SIPA1L1: variants seen among roughly 807,000 people sequenced by gnomAD.
SIPA1L1 encodes signal-induced proliferation-associated 1-like protein 1.
A neutral mutation model predicts 162.7 loss-of-function variants in SIPA1L1; 26 were observed. That is an observed-to-expected ratio of 0.16 (90% CI 0.12 to 0.22). The LOEUF is 0.22. SIPA1L1 is among the 10% of genes least tolerant of loss of function. The pLI is 1.00. For missense variants in SIPA1L1, 1,874 were observed against 2,241.0 expected (o/e 0.84, Z 3.31); for synonymous variants, 829 against 837.4 (o/e 0.99, Z 0.17).
At chr14:71,339,809 A>G (rs1352389519) in intron 2 of SIPA1L1, among the ~76,000 whole-genome samples, 1 of 152,154 alleles carries the variant, frequency 6.6e-6, no homozygotes, top group African/African-American at 2.4e-5. Context: ...CCACTGTGTC[A>G]GGCACTTTGT....
At chr14:71,400,404 A>AT (rs1206698316) in intron 2 of SIPA1L1, among the ~76,000 whole-genome samples, 1 of 152,076 alleles carries the variant, frequency 6.6e-6, no homozygotes, top group Non-Finnish European at 1.5e-5. Context: ...TACATAAAGC[A>AT]TTTTTTATTT....
At chr14:71,391,795 G>A (rs534931113) in intron 2 of SIPA1L1, among the ~76,000 whole-genome samples, 8 of 152,294 alleles carry the variant, frequency 5.3e-5, no homozygotes, top group African/African-American at 1.9e-4. Flanking sequence ...AGGAATTCAA[G>A]TAATGCCAGG....
chr14:71,608,487 G>T (rs1157810571), intron 5 of SIPA1L1, among the ~76,000 whole-genome samples: 1 of 151,978 alleles, frequency 6.6e-6, no homozygotes. Flanking sequence ...CTAAGCTAAT[G>T]TTTGAATTGG....
intron 3 of SIPA1L1, among the ~76,000 whole-genome samples, chr14:71,521,793 C>T (rs1225124275): frequency 6.6e-6 from 1 of 152,162 alleles, no homozygotes; most frequent in African/African-American, 2.4e-5. Context: ...GTAAGAGAGT[C>T]CCATTTGCTC....
intron 5 of SIPA1L1, among the ~76,000 whole-genome samples, chr14:71,611,779 A>T (rs1213156335): frequency 6.6e-6 from 1 of 152,214 alleles, no homozygotes. Context: ...TATATGTGCC[A>T]CATTTTCTTT....
intron 2 of SIPA1L1, among the ~76,000 whole-genome samples, chr14:71,364,214 T>C (rs997281727): frequency 8.5e-5 from 13 of 152,230 alleles, no homozygotes; most frequent in African/African-American, 3.1e-4. Context: ...TTAACGGGAG[T>C]GAAAAAGGCA....
chr14:71,399,988 A>AT (rs1009345203), intron 2 of SIPA1L1, among the ~76,000 whole-genome samples: 4 of 151,318 alleles, frequency 2.6e-5, no homozygotes, highest in African/African-American at 7.3e-5. Context: ...CACAAAATGT[A>AT]TTTTTTGTAT....
chr14:71,717,091 G>C (rs953524873), intron 17 of SIPA1L1, among the ~76,000 whole-genome samples: 2 of 152,116 alleles, frequency 1.3e-5, no homozygotes, highest in Admixed American at 1.3e-4. Flanking sequence ...GTAGAGACGG[G>C]GTTTTACCTT....
rs1366381358 is a variant in SIPA1L1 at position 71,587,982 on chromosome 14, G to A, written c.110G>A (p.Arg37Gln). The change falls in exon 5 of 24, where the codon CGG (arginine) becomes CAG (glutamine). Residue 37 changes from arginine (R) to glutamine (Q), a missense_variant. By Grantham distance (43) the Arg-to-Gln change is conservative. Coordinates refer to ENST00000381232, the MANE Select transcript of SIPA1L1 (RefSeq NM_001386936.1). ...PKVHTDDFYM[R>Q]RFRSQNGSLG... Reference sequence around the variant, plus strand: ...GTCCACACTGATGATTTCTACATGCGGCGCTTCCGGTCCCAAAATGGCAGC... The same window carrying A: ...GTCCACACTGATGATTTCTACATGCAGCGCTTCCGGTCCCAAAATGGCAGC... 8.7e-6 allele frequency: 14 copies of A among 1,613,904 alleles called. No individual in the cohort carries two copies. Among genetic ancestry groups the A allele is most frequent in the South Asian group, 1.1e-5 (1 of 91,080 alleles).
intron 4 of SIPA1L1, among the ~76,000 whole-genome samples, chr14:71,583,477 C>T (rs896781168): frequency 5.3e-5 from 8 of 152,138 alleles, no homozygotes; most frequent in South Asian, 2.1e-4. Flanking sequence ...TTATGAGGAA[C>T]GCTACATCTT....
intron 2 of SIPA1L1, chr14:71,398,339 A>G (rs1466656868): frequency 6.6e-6 from 1 of 152,224 alleles, no homozygotes; most frequent in Non-Finnish European, 1.5e-5. Flanking sequence ...TGTTTTCACT[A>G]CAATCATGGC....
chr14:71,468,150 A>G (rs1337708986), intron 2 of SIPA1L1, among the ~76,000 whole-genome samples: 1 of 152,006 alleles, frequency 6.6e-6, no homozygotes, highest in Non-Finnish European at 1.5e-5. Context: ...ACTTTCGTAG[A>G]GTAACTTTCT....
At chr14:71,381,025 CA>C (rs1273205305) in intron 2 of SIPA1L1, among the ~76,000 whole-genome samples, 1 of 152,138 alleles carries the variant, frequency 6.6e-6, no homozygotes, top group Non-Finnish European at 1.5e-5. Flanking sequence ...GGCATTTGTA[CA>C]AAATATAAGA....
At chr14:71,508,641 G>T (rs982003010) in intron 2 of SIPA1L1, among the ~76,000 whole-genome samples, 1 of 152,100 alleles carries the variant, frequency 6.6e-6, no homozygotes, top group African/African-American at 2.4e-5. Flanking sequence ...TTTTATTTCC[G>T]AACAAATATG....
intron 2 of SIPA1L1, among the ~76,000 whole-genome samples, chr14:71,406,124 A>G (rs2042012650): frequency 6.6e-6 from 1 of 152,232 alleles, no homozygotes. Context: ...GGTAGAATTT[A>G]TAGATCTTCA....
intron 2 of SIPA1L1, among the ~76,000 whole-genome samples, chr14:71,348,244 T>C (rs2036363895): frequency 6.6e-6 from 1 of 152,124 alleles, no homozygotes; most frequent in Non-Finnish European, 1.5e-5. Context: ...ACAAAAGCCA[T>C]CTTCTGCACC....
chr14:71,587,924 G>A lies in SIPA1L1; in HGVS notation c.52G>A (p.Ala18Thr). Residue 18 changes from alanine (A) to threonine (T), a missense_variant, in exon 5 of 24, where the codon GCC (alanine) becomes ACC (threonine). Ala to Thr is a moderately conservative substitution (Grantham distance 58, BLOSUM62 0). Coordinates refer to ENST00000381232, the MANE Select transcript of SIPA1L1 (RefSeq NM_001386936.1). ...AGAAAGGCCTCTTGCCACTGACAGGGCCTCTGTTGTTGGCACAGACGGCAC... is the reference window on the plus strand; with the variant it reads ...AGAAAGGCCTCTTGCCACTGACAGGACCTCTGTTGTTGGCACAGACGGCAC... ...QTERPLATDR[A>T]SVVGTDGTPK... 2 of 1,613,686 alleles carry A rather than the reference G, an allele frequency of 1.2e-6. No homozygotes were observed. The highest frequency in any genetic ancestry group is 8.5e-7 in the Non-Finnish European group (1 of 1,179,620).
chr14:71,643,367 C>T (rs554941050), intron 7 of SIPA1L1, among the ~76,000 whole-genome samples: 5 of 152,278 alleles, frequency 3.3e-5, no homozygotes, highest in Admixed American at 2.6e-4. Flanking sequence ...CAGATGTTTA[C>T]GTCTCAGAGT....
intron 2 of SIPA1L1, among the ~76,000 whole-genome samples, chr14:71,406,255 A>G (rs753741241): frequency 6.6e-6 from 1 of 152,206 alleles, no homozygotes; most frequent in Admixed American, 6.5e-5. Context: ...TAACTAACCT[A>G]TAAAAATTTC....
Sources: allele counts gnomAD v4.1 joint callset (sites outside exome capture counted in the v4.1 genomes callset), GRCh38; gene constraint gnomAD v4.1.1; transcripts MANE v1.5; gene names NCBI Gene and HGNC (gene_info 2026-07-23, HGNC 2026-07-21).